Variants in ZFHX4 observed in about 807,000 individuals in gnomAD.
ZFHX4 encodes the protein zinc finger homeobox protein 4.
Under a neutral mutation model 267.6 loss-of-function variants are expected in ZFHX4, and 56 were observed. That is an observed-to-expected ratio of 0.21 (90% CI 0.17 to 0.26). The LOEUF (loss-of-function observed/expected upper bound fraction) is 0.26. ZFHX4 is among the 10% of genes least tolerant of loss of function. The pLI is 1.00. For missense variants in ZFHX4, 4,332 were observed against 4,420.0 expected (o/e 0.98, Z 0.56); for synonymous variants, 1,778 against 1,665.6 (o/e 1.07, Z -1.64).
At position 76,704,634 on chromosome 8, in the gene ZFHX4, T is replaced by C. The variant is rs1298084267; in HGVS notation, c.546T>C (p.Ser182=). Residue 182 remains serine, a synonymous_variant, in exon 2 of 11, where the codon TCT becomes TCC. Transcript: ENST00000651372. ...GAGAGAAGAGTGATCAGTCTGCTTC[T>C]GCACCTATGTCGTTCTACCCACAGA... ...SAGEKSDQSA[S]APMSFYPQII... is the part of the protein sequence containing the mutation. 2 of 1,614,060 alleles carry C rather than the reference T, an allele frequency of 1.2e-6. No individual in the cohort carries two copies. The highest frequency in any genetic ancestry group is 1.3e-5 in the African/African-American group (1 of 75,068).
rs772500251 is a variant in ZFHX4 at position 76,705,315 on chromosome 8, G to A, written c.1227G>A (p.Gly409=). The A allele has an allele frequency of 1.2e-6, 2 of 1,613,864 alleles. No individual in the cohort carries two copies. The highest frequency in any genetic ancestry group is 2.7e-5 in the African/African-American group (2 of 74,906). ...TGCCAAAGGCTGAAGTGAATCTGGG[G>A]GGGCTGTCTAGTTTAGTAGTGAACA... ...TQMPKAEVNL[G]GLSSLVVNTP... is the part of the protein sequence containing the mutation. Residue 409 remains glycine, a synonymous_variant, in exon 2 of 11, where the codon GGG becomes GGA. Coordinates refer to ENST00000651372, the MANE Select transcript of ZFHX4 (RefSeq NM_024721.5).
At chr8:76,822,527 C>T (rs894750757) in intron 4 of ZFHX4, among the ~76,000 whole-genome samples, 3 of 138,672 alleles carry the variant, frequency 2.2e-5, no homozygotes, top group African/African-American at 8.1e-5. Context: ...CAGCCTCAAA[C>T]TCCTGGGCTC....
intron 1 of ZFHX4, among the ~76,000 whole-genome samples, chr8:76,699,765 A>G (rs1808054351): frequency 6.9e-6 from 1 of 144,402 alleles, no homozygotes; most frequent in African/African-American, 2.7e-5. Context: ...AAAAAAGTCC[A>G]GCCAAAATTC....
chr8:76,715,965 G>A (rs1389626832), intron 3 of ZFHX4, among the ~76,000 whole-genome samples: 2 of 152,144 alleles, frequency 1.3e-5, no homozygotes, highest in Non-Finnish European at 2.9e-5. Flanking sequence ...TTTTTAAGGA[G>A]TAGTGCAGAG....
At chr8:76,739,981 T>G (rs1809272883) in intron 3 of ZFHX4, among the ~76,000 whole-genome samples, 1 of 152,138 alleles carries the variant, frequency 6.6e-6, no homozygotes, top group African/African-American at 2.4e-5. Context: ...GCAACTGTTT[T>G]GAAGAATGAA....
chr8:76,792,378 T>C (rs1810860097), intron 4 of ZFHX4, among the ~76,000 whole-genome samples: 1 of 152,178 alleles, frequency 6.6e-6, no homozygotes, highest in South Asian at 2.1e-4. Context: ...AAATCTTGGC[T>C]TCTCTTTTGA....
intron 3 of ZFHX4, among the ~76,000 whole-genome samples, chr8:76,714,455 G>C (rs901061748): frequency 4.6e-5 from 7 of 152,096 alleles, no homozygotes; most frequent in African/African-American, 1.7e-4. Flanking sequence ...CTTTCTGCCT[G>C]CCCCCCAAAT....
intron 8 of ZFHX4, chr8:76,850,037 C>G (rs185547670): frequency 1.7e-6 from 1 of 585,204 alleles, no homozygotes; most frequent in East Asian, 2.8e-5. Context: ...CTACAGGAAC[C>G]TTTAAGCCAT....
At chr8:76,760,928 C>CAA (rs771069673) in intron 3 of ZFHX4, among the ~76,000 whole-genome samples, 16,630 of 62,940 alleles carry the variant, frequency 0.26, 2,107 homozygotes, top group East Asian at 0.47. Context: ...GACCCTGCCT[C>CAA]AAAAAAAAAA....
At chr8:76,742,234 C>G (rs982230611) in intron 3 of ZFHX4, among the ~76,000 whole-genome samples, 3 of 152,142 alleles carry the variant, frequency 2.0e-5, no homozygotes, top group African/African-American at 7.2e-5. Context: ...ACTCTTGACA[C>G]CCTTAGAATT....
At chr8:76,711,172 G>T (rs1204137069) in intron 3 of ZFHX4, among the ~76,000 whole-genome samples, 4 of 152,006 alleles carry the variant, frequency 2.6e-5, no homozygotes, top group African/African-American at 4.8e-5. Flanking sequence ...AACAAACAAA[G>T]CTATATTCAT....
At chr8:76,769,506 A>G (rs1810203438) in intron 3 of ZFHX4, among the ~76,000 whole-genome samples, 1 of 151,958 alleles carries the variant, frequency 6.6e-6, no homozygotes, top group African/African-American at 2.4e-5. Context: ...ATGAGTCACT[A>G]TGCCTGGCTA....
At chr8:76,817,479 G>T (rs759584675) in intron 4 of ZFHX4, among the ~76,000 whole-genome samples, 2 of 152,138 alleles carry the variant, frequency 1.3e-5, no homozygotes, top group Non-Finnish European at 2.9e-5. Flanking sequence ...CAAGGGAAGC[G>T]TGGGGAGGTG....
chr8:76,843,039 A>AT (rs1812277923), intron 6 of ZFHX4, among the ~76,000 whole-genome samples: 1 of 152,178 alleles, frequency 6.6e-6, no homozygotes, highest in South Asian at 2.1e-4. Flanking sequence ...CAGTGAGATT[A>AT]TTTTTTAATC....
intron 4 of ZFHX4, among the ~76,000 whole-genome samples, chr8:76,832,002 T>TGG (rs5892567): frequency 0.051 from 7,297 of 144,096 alleles, 398 homozygotes; most frequent in East Asian, 0.27. Flanking sequence ...GTTTTTTTAG[T>TGG]GGGGGGGGGC....
Position 76,855,761 on chromosome 8 carries a change from G to C in ZFHX4, c.8840G>C (p.Cys2947Ser), listed in dbSNP as rs1293884360. 1 of 1,613,960 alleles carries C rather than the reference G, an allele frequency of 6.2e-7. No individual in the cohort carries two copies. The highest frequency in any genetic ancestry group is 1.7e-5 in the Admixed American group (1 of 60,022). The part of the protein sequence containing the change: ...SNLQLKVLKA[C>S]FSDYRTPTMQ... ...CTTCAACTCAAGGTTCTCAAGGCTT[G>C]CTTTAGTGACTACCGAACTCCAACC... The change falls in exon 10 of 11, where the codon TGC (cysteine) becomes TCC (serine). Residue 2947 changes from cysteine (C) to serine (S), a missense_variant. This residue lies in a region of ZFHX4 where 1,648 missense variants were observed against 1,625.0 expected (regional missense o/e 1.01). Transcript: ENST00000651372.
At chr8:76,813,850 T>G (rs564845135) in intron 4 of ZFHX4, among the ~76,000 whole-genome samples, 3 of 152,304 alleles carry the variant, frequency 2.0e-5, no homozygotes, top group Admixed American at 6.5e-5. Flanking sequence ...TGGGAATATG[T>G]AAGCATATGA....
At position 76,842,640 on chromosome 8, in the gene ZFHX4, T is replaced by C; in HGVS notation, c.3395-15T>C. ...CGGTTTTCAGTTCTACTGATTGGTC[T>C]GCCTTTCTTAACAGAAGAACAAAGT... On this transcript the variant is annotated splice_polypyrimidine_tract_variant and intron_variant, in intron 5 of 10. Transcript: ENST00000651372. The C allele has an allele frequency of 1.9e-6, 3 of 1,544,086 alleles. No individual in the cohort carries two copies. Among genetic ancestry groups the C allele is most frequent in the Non-Finnish European group, 2.6e-6 (3 of 1,141,534 alleles).
At chr8:76,692,343 A>G (rs1807846104) in intron 1 of ZFHX4, among the ~76,000 whole-genome samples, 1 of 152,154 alleles carries the variant, frequency 6.6e-6, no homozygotes, top group African/African-American at 2.4e-5. Context: ...TGGATTATGT[A>G]CTTGCTATTA....
Sources: allele counts gnomAD v4.1 joint callset (sites outside exome capture counted in the v4.1 genomes callset), GRCh38; gene constraint gnomAD v4.1.1; regional missense constraint gnomAD v4.1.1; transcripts MANE v1.5; gene names NCBI Gene and HGNC (gene_info 2026-07-23, HGNC 2026-07-21).